The following PRKD1 variants were observed in gnomAD, a reference collection of about 807,000 sequenced individuals.
PRKD1 encodes the protein protein kinase D1, also known as serine/threonine-protein kinase D1.
Under a neutral mutation model 95.9 loss-of-function variants are expected in PRKD1, and 63 were observed. The observed-to-expected ratio is 0.66, with a 90% CI of 0.54 to 0.81. PRKD1 has a LOEUF of 0.81. Ranked by LOEUF, PRKD1 falls within the 30% of genes least tolerant of loss-of-function variation. The pLI, the probability that PRKD1 is intolerant of heterozygous loss-of-function variation, is 0.00. For synonymous variants in PRKD1, 425 were observed against 423.1 expected, an observed-to-expected ratio of 1.00 and a Z score of -0.05; for missense variants, 1,048 against 1,165.3, an observed-to-expected ratio of 0.90 and a Z score of 1.47.
chr14:29,776,943 C>A (rs1049429150), intron 1 of PRKD1, among the ~76,000 whole-genome samples: 3 of 152,216 alleles, frequency 2.0e-5, no homozygotes, highest in African/African-American at 7.2e-5. Context: ...AAGAGCGGAT[C>A]TCTCTGCAGA....
intron 13 of PRKD1, among the ~76,000 whole-genome samples, chr14:29,615,987 G>A (rs1878826846): frequency 6.6e-6 from 1 of 152,102 alleles, no homozygotes; most frequent in Admixed American, 6.6e-5. Flanking sequence ...AGACTGAAGT[G>A]CCTGTGGAAG....
At chr14:29,614,075 G>C (rs569743732) in intron 13 of PRKD1, among the ~76,000 whole-genome samples, 1 of 152,220 alleles carries the variant, frequency 6.6e-6, no homozygotes, top group East Asian at 1.9e-4. Context: ...CCCCAAGTTT[G>C]CTTTCATGAT....
At chr14:29,895,437 G>A (rs891819498) in intron 1 of PRKD1, among the ~76,000 whole-genome samples, 22 of 152,082 alleles carry the variant, frequency 1.4e-4, no homozygotes, top group African/African-American at 5.1e-4. Context: ...CCTATAAGAA[G>A]CCCCTAGCCG....
chr14:29,584,317 T>C (rs1303916118), intron 16 of PRKD1, among the ~76,000 whole-genome samples: 2 of 140,036 alleles, frequency 1.4e-5, no homozygotes, highest in Non-Finnish European at 3.0e-5. Flanking sequence ...ACAGGTGTCA[T>C]TGTTGTGGCT....
chr14:29,680,548 T>C (rs1401830705), intron 2 of PRKD1, among the ~76,000 whole-genome samples: 1 of 152,222 alleles, frequency 6.6e-6, no homozygotes, highest in Non-Finnish European at 1.5e-5. Context: ...TCTTTGTTTA[T>C]TGTTGGAGTT....
intron 1 of PRKD1, among the ~76,000 whole-genome samples, chr14:29,758,534 G>A (rs973660865): frequency 3.3e-5 from 5 of 152,308 alleles, no homozygotes; most frequent in African/African-American, 1.2e-4. Flanking sequence ...TTTCACAGAT[G>A]TAGTCAGTTG....
At chr14:29,635,656 A>C (rs1477173530) in intron 7 of PRKD1, among the ~76,000 whole-genome samples, 1 of 152,166 alleles carries the variant, frequency 6.6e-6, no homozygotes, top group Non-Finnish European at 1.5e-5. Context: ...TTTGCAAAAG[A>C]CCTAACTTTA....
At chr14:29,665,292 T>C (rs1009122896) in intron 3 of PRKD1, among the ~76,000 whole-genome samples, 2 of 152,158 alleles carry the variant, frequency 1.3e-5, no homozygotes, top group Non-Finnish European at 2.9e-5. Flanking sequence ...AATTATATAG[T>C]GGTAAAGTCT....
chr14:29,901,185 C>T lies in PRKD1; in HGVS notation c.264+26064G>A, dbSNP rs530168710. 2.0e-5 allele frequency among the ~76,000 whole-genome samples: 3 copies of T among 152,248 alleles called. No homozygotes were observed. In the East Asian group the frequency reaches 5.8e-4, roughly 29 times the overall value. On this transcript the variant is annotated intron_variant, in intron 1 of 17. Transcript: ENST00000331968. ...AAAAAGAATGGAATCATGTCCTTTG[C>T]AGCAACATGGATGGAGTTAGAGGTA...
chr14:29,654,804 C>A (rs1881742778), intron 4 of PRKD1, among the ~76,000 whole-genome samples: 1 of 152,178 alleles, frequency 6.6e-6, no homozygotes, highest in Admixed American at 6.5e-5. Context: ...TTTCTATAAC[C>A]ATTCTGCTAC....
intron 1 of PRKD1, among the ~76,000 whole-genome samples, chr14:29,745,080 A>G (rs1435345355): frequency 6.6e-6 from 1 of 152,080 alleles, no homozygotes; most frequent in East Asian, 1.9e-4. Flanking sequence ...CGGGATTGCA[A>G]TATGCTTTTC....
At chr14:29,900,603 T>C (rs2139429034) in intron 1 of PRKD1, among the ~76,000 whole-genome samples, 1 of 152,150 alleles carries the variant, frequency 6.6e-6, no homozygotes, top group Admixed American at 6.5e-5. Context: ...AAAGGTCAAA[T>C]ATCCAGAATC....
At chr14:29,613,529 T>A (rs919432485) in intron 13 of PRKD1, among the ~76,000 whole-genome samples, 1 of 152,242 alleles carries the variant, frequency 6.6e-6, no homozygotes, top group Admixed American at 6.5e-5. Flanking sequence ...GGCTACATAT[T>A]TCATTCAACA....
At chr14:29,773,034 T>C (rs559695552) in intron 1 of PRKD1, among the ~76,000 whole-genome samples, 1 of 152,370 alleles carries the variant, frequency 6.6e-6, no homozygotes, top group South Asian at 2.1e-4. Context: ...TTCTTAAATT[T>C]TCCTTTAAAA....
At chr14:29,606,107 G>A (rs541035378) in intron 13 of PRKD1, among the ~76,000 whole-genome samples, 20 of 152,118 alleles carry the variant, frequency 1.3e-4, no homozygotes, top group African/African-American at 4.8e-4. Context: ...CCCCCTCTCG[G>A]GTTCAAGAGA....
chr14:29,625,526 T>G (rs1047191358), intron 12 of PRKD1, among the ~76,000 whole-genome samples: 2 of 152,196 alleles, frequency 1.3e-5, no homozygotes, highest in African/African-American at 4.8e-5. Context: ...ATATTTACCA[T>G]GATCTATCTA....
intron 1 of PRKD1, among the ~76,000 whole-genome samples, chr14:29,833,671 A>T (rs1048094911): frequency 1.3e-5 from 2 of 152,046 alleles, no homozygotes; most frequent in African/African-American, 2.4e-5. Flanking sequence ...TCAGTATAAG[A>T]ATATTTATAA....
intron 1 of PRKD1, among the ~76,000 whole-genome samples, chr14:29,819,944 C>T (rs1890845266): frequency 6.6e-6 from 1 of 152,128 alleles, no homozygotes; most frequent in African/African-American, 2.4e-5. Flanking sequence ...TGAAGTTTGC[C>T]CTCAAGGTAT....
chr14:29,822,347 G>A (rs1000165472), intron 1 of PRKD1, among the ~76,000 whole-genome samples: 1 of 152,116 alleles, frequency 6.6e-6, no homozygotes, highest in Non-Finnish European at 1.5e-5. Flanking sequence ...CATCTTACGG[G>A]CATTGCACAA....
Sources: allele counts gnomAD v4.1 joint callset (sites outside exome capture counted in the v4.1 genomes callset), GRCh38; gene constraint gnomAD v4.1.1; transcripts MANE v1.5; gene names NCBI Gene and HGNC (gene_info 2026-07-23, HGNC 2026-07-21).